Variants in ADCY2 observed in about 807,000 individuals in gnomAD.
The protein encoded by ADCY2 is adenylate cyclase 2.
ADCY2 carries 31 observed loss-of-function variants against 125.2 expected under a neutral mutation model. The observed-to-expected ratio is 0.25, with a 90% confidence interval of 0.19 to 0.33. The LOEUF (loss-of-function observed/expected upper bound fraction) is 0.33, where lower values mean the gene tolerates loss of function less well. Among genes scored for constraint, ADCY2 ranks in the 10% least tolerant of loss-of-function variants. The pLI, the probability that ADCY2 is intolerant of heterozygous loss-of-function variation, is 1.00. For missense variants in ADCY2, 904 were observed against 1,418.2 expected (o/e 0.64, Z 5.82); for synonymous variants, 512 against 548.4 (o/e 0.93, Z 0.93).
At chr5:7,773,122 T>TC (rs760481795) in intron 18 of ADCY2, 21 bp downstream of exon 18, 3 of 1,610,916 alleles carry the variant, frequency 1.9e-6, no homozygotes, top group African/African-American at 1.3e-5. Context: ...GCCTCTTCCT[T>TC]CTCTTACTAT....
chr5:7,503,041 C>G (rs547597684), intron 2 of ADCY2, among the ~76,000 whole-genome samples: 1 of 152,272 alleles, frequency 6.6e-6, no homozygotes, highest in South Asian at 2.1e-4. Flanking sequence ...ACTGCAGCCC[C>G]AGCTCCATGA....
chr5:7,413,299 C>G (rs536619269), intron 1 of ADCY2, among the ~76,000 whole-genome samples: 1 of 150,024 alleles, frequency 6.7e-6, no homozygotes, highest in South Asian at 2.1e-4. Context: ...TTTTTTTTTT[C>G]TTTTTTCTTT....
chr5:7,466,646 T>A (rs1377586224), intron 2 of ADCY2, among the ~76,000 whole-genome samples: 1 of 152,218 alleles, frequency 6.6e-6, no homozygotes, highest in African/African-American at 2.4e-5. Flanking sequence ...ACAGACTGGC[T>A]GCTAGAGCCC....
intron 3 of ADCY2, among the ~76,000 whole-genome samples, chr5:7,599,834 A>T (rs1737137545): frequency 6.6e-6 from 1 of 152,208 alleles, no homozygotes; most frequent in Admixed American, 6.5e-5. Flanking sequence ...AGAAATGTCA[A>T]AAGTCTCCAA....
At chr5:7,702,426 T>C (rs1408918138) in intron 7 of ADCY2, among the ~76,000 whole-genome samples, 2 of 151,702 alleles carry the variant, frequency 1.3e-5, no homozygotes, top group African/African-American at 4.8e-5. Context: ...CCCCTTCCTG[T>C]GTCCATGTGT....
At chr5:7,436,910 C>G (rs191139763) in intron 2 of ADCY2, among the ~76,000 whole-genome samples, 2 of 152,130 alleles carry the variant, frequency 1.3e-5, no homozygotes, top group Admixed American at 6.5e-5. Flanking sequence ...TTGTTGGAGC[C>G]GAGCCACCTT....
At chr5:7,524,385 A>G (rs1307338393) in intron 3 of ADCY2, among the ~76,000 whole-genome samples, 1 of 152,110 alleles carries the variant, frequency 6.6e-6, no homozygotes, top group African/African-American at 2.4e-5. Context: ...TCCTACATTA[A>G]CTACAAGACA....
intron 22 of ADCY2, among the ~76,000 whole-genome samples, chr5:7,807,520 G>A (rs934236508): frequency 1.3e-5 from 2 of 152,138 alleles, no homozygotes; most frequent in African/African-American, 4.8e-5. Flanking sequence ...TGGCTTTTGA[G>A]CCCTTCCATT....
intron 3 of ADCY2, among the ~76,000 whole-genome samples, chr5:7,586,438 C>G (rs1380956046): frequency 6.6e-6 from 1 of 152,236 alleles, no homozygotes; most frequent in Admixed American, 6.5e-5. Context: ...ATCCTCCTGT[C>G]TTCCTTTCCA....
rs560126667 is a variant in ADCY2, at chr5:7,465,197, C to A, written c.408+50427C>A. Among the ~76,000 whole-genome samples, 31 of 152,322 alleles carry A rather than the reference C, an allele frequency of 2.0e-4. No homozygotes were observed. In the South Asian group the frequency reaches 6.0e-3, roughly 30 times the overall value. On this transcript the variant is annotated intron_variant, in intron 2 of 24. Coordinates refer to ENST00000338316, the MANE Select transcript of ADCY2 (RefSeq NM_020546.3). ...AGATTTGGGTGGCGACACAGCCAAACCATATCATTATCTTTCCTTCTAAAG... is the reference window on the plus strand; with the variant it reads ...AGATTTGGGTGGCGACACAGCCAAAACATATCATTATCTTTCCTTCTAAAG...
intron 3 of ADCY2, among the ~76,000 whole-genome samples, chr5:7,555,057 A>T (rs560656347): frequency 6.6e-6 from 1 of 152,314 alleles, no homozygotes; most frequent in East Asian, 1.9e-4. Flanking sequence ...TATGCCATGA[A>T]TACGTGAGTG....
chr5:7,525,072 G>A (rs974867080), intron 3 of ADCY2, among the ~76,000 whole-genome samples: 7 of 151,674 alleles, frequency 4.6e-5, no homozygotes, highest in Non-Finnish European at 7.4e-5. Flanking sequence ...GTGTAATCTC[G>A]GCCTGCTGCA....
At chr5:7,579,220 A>G (rs1335456663) in intron 3 of ADCY2, among the ~76,000 whole-genome samples, 2 of 152,214 alleles carry the variant, frequency 1.3e-5, no homozygotes, top group African/African-American at 4.8e-5. Context: ...CGTTGGAGTC[A>G]ATACTTAAAG....
At chr5:7,748,437 G>A (rs1391343938) in intron 15 of ADCY2, among the ~76,000 whole-genome samples, 1 of 151,980 alleles carries the variant, frequency 6.6e-6, no homozygotes, top group Non-Finnish European at 1.5e-5. Flanking sequence ...GTGGATGAGG[G>A]ACCAAGGACT....
At chr5:7,702,432 T>G (rs961889382) in intron 7 of ADCY2, among the ~76,000 whole-genome samples, 24 of 150,326 alleles carry the variant, frequency 1.6e-4, no homozygotes, top group Admixed American at 5.3e-4. Flanking sequence ...CCTGTGTCCA[T>G]GTGTTCTCAT....
chr5:7,707,588 G>T, intron 8 of ADCY2, 118 bp from the exon 9 acceptor site: 1 of 1,188,010 alleles, frequency 8.4e-7, no homozygotes, highest in East Asian at 2.4e-5. Context: ...CTTTAATTGC[G>T]GTCAGTGCTC....
intron 2 of ADCY2, among the ~76,000 whole-genome samples, chr5:7,435,709 T>C (rs536623491): frequency 2.6e-5 from 4 of 152,226 alleles, no homozygotes; most frequent in Non-Finnish European, 4.4e-5. Flanking sequence ...ATTTTGAGTA[T>C]AGGACATTGT....
intron 3 of ADCY2, among the ~76,000 whole-genome samples, chr5:7,560,196 C>G (rs1735664803): frequency 6.6e-6 from 1 of 152,138 alleles, no homozygotes; most frequent in Non-Finnish European, 1.5e-5. Flanking sequence ...ACATAGATAA[C>G]AGCCCTGCAT....
At chr5:7,699,391 C>G (rs1741006906) in intron 7 of ADCY2, among the ~76,000 whole-genome samples, 1 of 151,970 alleles carries the variant, frequency 6.6e-6, no homozygotes, top group Admixed American at 6.5e-5. Context: ...GCCACCGCGC[C>G]CGGCCAGTAA....
Sources: gnomAD v4.1 joint callset for allele counts (sites outside exome capture counted in the v4.1 genomes callset) on GRCh38, gnomAD v4.1.1 for gene constraint, MANE v1.5 for transcripts, NCBI Gene and HGNC (gene_info 2026-07-23, HGNC 2026-07-21) for gene names.